DPP6: variants seen among roughly 807,000 people sequenced by gnomAD.
DPP6 encodes A-type potassium channel modulatory protein DPP6.
In DPP6, 69 loss-of-function variants were observed where a neutral mutation model predicts 122.6. The observed-to-expected ratio is 0.56, with a 90% CI of 0.46 to 0.69. The LOEUF (loss-of-function observed/expected upper bound fraction) is 0.69. Ranked by LOEUF, DPP6 falls within the 30% of genes least tolerant of loss-of-function variation. The probability of loss-of-function intolerance (pLI) is 0.00; values close to 1 mark genes in which losing one functional copy is unlikely to be tolerated. For missense variants in DPP6, 928 were observed against 1,116.9 expected, an observed-to-expected ratio of 0.83 and a Z score of 2.41; for synonymous variants, 418 against 433.1, an observed-to-expected ratio of 0.97 and a Z score of 0.43.
At chr7:154,330,204 A>G (rs1344655555) in intron 1 of DPP6, among the ~76,000 whole-genome samples, 1 of 152,248 alleles carries the variant, frequency 6.6e-6, no homozygotes, top group Admixed American at 6.5e-5. Context: ...AAAAATTTTT[A>G]AACATGTGGC....
At position 154,016,108 on chromosome 7, in the gene DPP6, G is replaced by A. The variant is rs538149656; in HGVS notation, c.51+128374G>A. 1.9e-3 allele frequency among the ~76,000 whole-genome samples: 283 copies of A among 152,060 alleles called. 2 individuals are homozygous for A. Among genetic ancestry groups the A allele is most frequent in the African/African-American group, 6.3e-3 (261 of 41,474 alleles). ...CGAAGGCTCTCTCATAGATCTTCCC[G>A]CCATTCAAGTCAGCCCCATGATACC... is the stretch of plus-strand genomic sequence containing the variant. On this transcript the variant is annotated intron_variant, in intron 1 of 25. Coordinates refer to the DPP6 transcript ENST00000404039.
At chr7:154,546,208 A>G (rs1829174300) in intron 4 of DPP6, among the ~76,000 whole-genome samples, 1 of 152,248 alleles carries the variant, frequency 6.6e-6, no homozygotes, top group African/African-American at 2.4e-5. Context: ...AAAAGATACA[A>G]TATACTAGGC....
intron 1 of DPP6, among the ~76,000 whole-genome samples, chr7:154,136,279 A>C (rs1314992304): frequency 2.0e-5 from 3 of 152,176 alleles, no homozygotes; most frequent in Non-Finnish European, 4.4e-5. Flanking sequence ...CCAAAATGGC[A>C]GAACCAAGTC....
chr7:154,419,167 A>G (rs753153948), intron 1 of DPP6, among the ~76,000 whole-genome samples: 4 of 152,246 alleles, frequency 2.6e-5, no homozygotes, highest in Non-Finnish European at 5.9e-5. Context: ...AGGCAAAGCA[A>G]TGAAGAGACT....
chr7:154,467,929 C>A (rs2151331136), intron 2 of DPP6, among the ~76,000 whole-genome samples: 1 of 152,278 alleles, frequency 6.6e-6, no homozygotes, highest in East Asian at 1.9e-4. Context: ...TTTGATCTTT[C>A]AAGGTATTAG....
At chr7:153,944,871 T>C (rs1801875606) in intron 1 of DPP6, among the ~76,000 whole-genome samples, 1 of 152,064 alleles carries the variant, frequency 6.6e-6, no homozygotes, top group Non-Finnish European at 1.5e-5. Flanking sequence ...CCTCAGTTTC[T>C]TGTTTTTGAA....
At chr7:154,754,955 A>G (rs146605719) in intron 8 of DPP6, among the ~76,000 whole-genome samples, 1,782 of 152,226 alleles carry the variant, frequency 0.012, 30 homozygotes, top group African/African-American at 0.04. Flanking sequence ...GGAGGGGAAC[A>G]TCATACACTA....
chr7:154,356,610 A>G (rs149453338), intron 1 of DPP6, among the ~76,000 whole-genome samples: 2 of 152,294 alleles, frequency 1.3e-5, no homozygotes, highest in African/African-American at 2.4e-5. Context: ...TATTATATCA[A>G]TCTTTTCAAT....
intron 1 of DPP6, among the ~76,000 whole-genome samples, chr7:154,216,864 T>A (rs1800031691): frequency 1.4e-5 from 2 of 142,596 alleles, no homozygotes; most frequent in African/African-American, 2.6e-5. Context: ...ATTATAAACC[T>A]CATATATATG....
the DPP6 span, among the ~76,000 whole-genome samples, chr7:153,813,696 T>C: frequency 1.3e-3 from 201 of 152,122 alleles, 1 homozygote; most frequent in Middle Eastern, 6.8e-3. Context: ...TGTTGTTTCC[T>C]GACTTTTTAA....
chr7:153,882,064 A>G, the DPP6 span, among the ~76,000 whole-genome samples: 1 of 152,204 alleles, frequency 6.6e-6, no homozygotes, highest in South Asian at 2.1e-4. Context: ...TTAGTCTCTC[A>G]ACATATTTTA....
At chr7:154,017,711 A>C (rs1798490595) in intron 1 of DPP6, among the ~76,000 whole-genome samples, 1 of 122,526 alleles carries the variant, frequency 8.2e-6, no homozygotes, top group Admixed American at 7.3e-5. Context: ...AAAAAAATAA[A>C]AAAAAAATAA....
chr7:154,339,974 G>A (rs1809782459), intron 1 of DPP6, among the ~76,000 whole-genome samples: 1 of 152,098 alleles, frequency 6.6e-6, no homozygotes, highest in Non-Finnish European at 1.5e-5. Flanking sequence ...TCGGGAGGCT[G>A]AGGCAAGAGA....
chr7:154,440,587 T>A (rs774244875), intron 1 of DPP6, among the ~76,000 whole-genome samples: 1 of 152,214 alleles, frequency 6.6e-6, no homozygotes, highest in Non-Finnish European at 1.5e-5. Context: ...AGCTATCAAT[T>A]ACCTAACCAT....
At chr7:154,752,280 A>G (rs1843434388) in intron 8 of DPP6, among the ~76,000 whole-genome samples, 1 of 152,192 alleles carries the variant, frequency 6.6e-6, no homozygotes, top group Non-Finnish European at 1.5e-5. Flanking sequence ...TGTTACCAGT[A>G]CTGGACATCA....
intron 6 of DPP6, among the ~76,000 whole-genome samples, chr7:154,655,427 A>AT (rs35879825): frequency 0.12 from 18,430 of 151,276 alleles, 1,465 homozygotes; most frequent in Non-Finnish European, 0.18. Context: ...TTCCTTCATC[A>AT]TTTTTTTTTA....
chr7:153,986,195 G>A (rs187943329), intron 1 of DPP6, among the ~76,000 whole-genome samples: 1 of 152,170 alleles, frequency 6.6e-6, no homozygotes, highest in East Asian at 1.9e-4. Flanking sequence ...ACAGAAAATA[G>A]ATATGCATTT....
At chr7:154,318,477 C>A (rs1377047509) in intron 1 of DPP6, among the ~76,000 whole-genome samples, 1 of 152,132 alleles carries the variant, frequency 6.6e-6, no homozygotes, top group African/African-American at 2.4e-5. Flanking sequence ...TCTTCCAGCC[C>A]CCAAATACCA....
chr7:153,870,177 C>T, the DPP6 span, among the ~76,000 whole-genome samples: 473 of 152,260 alleles, frequency 3.1e-3, 4 homozygotes, highest in African/African-American at 0.011. Flanking sequence ...CTCTGTACTT[C>T]CTGAATCTGA....
Sources: allele counts gnomAD v4.1 joint callset (sites outside exome capture counted in the v4.1 genomes callset), GRCh38; gene constraint gnomAD v4.1.1; transcripts MANE v1.5; gene names NCBI Gene and HGNC (gene_info 2026-07-23, HGNC 2026-07-21).